The following KCNH7 variants were observed in gnomAD, a reference collection of about 807,000 sequenced individuals.
KCNH7 encodes the protein voltage-gated inwardly rectifying potassium channel KCNH7.
A neutral mutation model predicts 120.8 loss-of-function variants in KCNH7; 49 were observed. The observed-to-expected ratio is 0.41, with a 90% CI of 0.32 to 0.51. The LOEUF is 0.51. Ranked by LOEUF, KCNH7 falls within the 20% of genes least tolerant of loss-of-function variation. KCNH7 has a pLI of 0.38. For missense variants in KCNH7, 1,097 were observed against 1,446.6 expected (o/e 0.76, Z 3.92); for synonymous variants, 547 against 516.1 (o/e 1.06, Z -0.81).
chr2:162,402,149 G>A (rs938697576), intron 9 of KCNH7, among the ~76,000 whole-genome samples: 2 of 151,234 alleles, frequency 1.3e-5, no homozygotes, highest in African/African-American at 4.8e-5. Context: ...CCTGCTTGAT[G>A]GAAGACCTCT....
chr2:162,593,036 T>C (rs1694261352), intron 2 of KCNH7, among the ~76,000 whole-genome samples: 1 of 152,118 alleles, frequency 6.6e-6, no homozygotes, highest in Admixed American at 6.6e-5. Context: ...AACTATATCA[T>C]TTATATCTCT....
At chr2:162,701,080 C>T (rs889095605) in intron 2 of KCNH7, among the ~76,000 whole-genome samples, 2 of 152,094 alleles carry the variant, frequency 1.3e-5, no homozygotes, top group African/African-American at 4.8e-5. Flanking sequence ...CTGGCCCCTT[C>T]AGAACTATTA....
intron 3 of KCNH7, among the ~76,000 whole-genome samples, chr2:162,525,372 T>G (rs1029199585): frequency 1.3e-5 from 2 of 151,876 alleles, no homozygotes; most frequent in Non-Finnish European, 2.9e-5. Flanking sequence ...TGAGGGACAC[T>G]GCTTGTGATC....
At chr2:162,549,111 G>A (rs999665424) in intron 2 of KCNH7, among the ~76,000 whole-genome samples, 59 of 152,072 alleles carry the variant, frequency 3.9e-4, no homozygotes, top group Non-Finnish European at 5.0e-4. Flanking sequence ...CTCTAGTTCT[G>A]AACTTTTACC....
chr2:162,813,882 T>G (rs1481618775), intron 2 of KCNH7, among the ~76,000 whole-genome samples: 1 of 152,186 alleles, frequency 6.6e-6, no homozygotes, highest in African/African-American at 2.4e-5. Context: ...TTCATAAAAA[T>G]GTCAAAGCTT....
intron 2 of KCNH7, among the ~76,000 whole-genome samples, chr2:162,791,510 A>C (rs1324404506): frequency 1.3e-5 from 2 of 152,024 alleles, no homozygotes; most frequent in Non-Finnish European, 2.9e-5. Context: ...CTCCCTACTT[A>C]TCTGTATTCC....
intron 2 of KCNH7, among the ~76,000 whole-genome samples, chr2:162,554,157 T>C (rs1262360948): frequency 6.6e-6 from 1 of 152,166 alleles, no homozygotes; most frequent in East Asian, 1.9e-4. Context: ...ATCTCACAAA[T>C]ATCATCTGCC....
Position 162,400,351 on chromosome 2 carries a change from C to T in KCNH7, c.2245G>A (p.Ala749Thr). ...LLQNCKAFRG[A>T]SKGCLRALAM... ...AAAGCTCTAAGGCAACCTTTACTTGCCCCCCGAAAGGCTTTGCAGTTTTGC... is the reference window on the plus strand; with the variant it reads ...AAAGCTCTAAGGCAACCTTTACTTGTCCCCCGAAAGGCTTTGCAGTTTTGC... Residue 749 changes from alanine to threonine, a missense_variant, in exon 10 of 16, where the codon GCA becomes ACA. Ala to Thr is a moderately conservative substitution (Grantham distance 58). This residue lies in a region of KCNH7 where 101 missense variants were observed against 176.3 expected (regional missense o/e 0.57). Coordinates refer to ENST00000332142, the MANE Select transcript of KCNH7 (RefSeq NM_033272.4). 6.2e-7 allele frequency: 1 copy of T among 1,612,452 alleles called. No homozygotes were observed. The highest frequency in any genetic ancestry group is 8.5e-7 in the Non-Finnish European group (1 of 1,178,994).
intron 2 of KCNH7, among the ~76,000 whole-genome samples, chr2:162,748,789 C>A (rs1215993842): frequency 6.6e-6 from 1 of 151,516 alleles, no homozygotes. Context: ...TTCCACAGAG[C>A]CAAACCTAAC....
At chr2:162,522,229 C>A (rs1439405325) in intron 3 of KCNH7, among the ~76,000 whole-genome samples, 3 of 151,842 alleles carry the variant, frequency 2.0e-5, no homozygotes, top group African/African-American at 7.2e-5. Context: ...AAGCAGTTTA[C>A]AAATCAATTC....
intron 2 of KCNH7, among the ~76,000 whole-genome samples, chr2:162,678,970 G>C (rs937429413): frequency 2.4e-4 from 37 of 151,554 alleles, no homozygotes; most frequent in Non-Finnish European, 4.9e-4. Context: ...CAATGCCTTT[G>C]CAGGATATTT....
At chr2:162,665,406 C>A (rs987002390) in intron 2 of KCNH7, among the ~76,000 whole-genome samples, 1 of 152,040 alleles carries the variant, frequency 6.6e-6, no homozygotes, top group Non-Finnish European at 1.5e-5. Context: ...ATTTTAAAAA[C>A]TTACATAGAC....
chr2:162,726,800 T>C (rs1481211667), intron 2 of KCNH7, among the ~76,000 whole-genome samples: 1 of 152,178 alleles, frequency 6.6e-6, no homozygotes, highest in Non-Finnish European at 1.5e-5. Context: ...TCTTTTGACA[T>C]GTTCTTAATG....
chr2:162,691,631 G>A (rs1686106184), intron 2 of KCNH7, among the ~76,000 whole-genome samples: 1 of 152,076 alleles, frequency 6.6e-6, no homozygotes, highest in South Asian at 2.1e-4. Flanking sequence ...CTCTACTCAT[G>A]AAAATAACAG....
At chr2:162,388,924 G>C (rs1686659960) in intron 12 of KCNH7, among the ~76,000 whole-genome samples, 1 of 151,886 alleles carries the variant, frequency 6.6e-6, no homozygotes, top group African/African-American at 2.4e-5. Context: ...ATATCGAAGA[G>C]CTCATTTTAA....
intron 2 of KCNH7, among the ~76,000 whole-genome samples, chr2:162,608,469 A>T (rs1311731452): frequency 1.3e-5 from 2 of 152,088 alleles, no homozygotes; most frequent in African/African-American, 4.8e-5. Flanking sequence ...AGTTAGTATA[A>T]TTTCCTCTCC....
At chr2:162,741,727 A>G (rs906146112) in intron 2 of KCNH7, among the ~76,000 whole-genome samples, 49 of 152,276 alleles carry the variant, frequency 3.2e-4, no homozygotes, top group Admixed American at 1.8e-3. Flanking sequence ...GTTTATGTAG[A>G]GTTTTATAAA....
At chr2:162,826,419 T>C (rs899009455) in intron 2 of KCNH7, among the ~76,000 whole-genome samples, 7 of 152,156 alleles carry the variant, frequency 4.6e-5, no homozygotes, top group African/African-American at 7.2e-5. Context: ...TGAACTCTTC[T>C]GACCATTCAC....
At chr2:162,624,402 T>A (rs149748496) in intron 2 of KCNH7, among the ~76,000 whole-genome samples, 14 of 152,232 alleles carry the variant, frequency 9.2e-5, no homozygotes, top group African/African-American at 3.4e-4. Flanking sequence ...TACTACTGTA[T>A]AACATGGATT....
Sources: gnomAD v4.1 joint callset for allele counts (sites outside exome capture counted in the v4.1 genomes callset) on GRCh38, gnomAD v4.1.1 for gene constraint, gnomAD v4.1.1 regional missense constraint, MANE v1.5 for transcripts, NCBI Gene and HGNC (gene_info 2026-07-23, HGNC 2026-07-21) for gene names.